The following G6PD variants were observed in gnomAD, a reference collection of about 807,000 sequenced individuals.
G6PD encodes glucose-6-phosphate 1-dehydrogenase.
In G6PD, 2 loss-of-function variants were observed where a neutral mutation model predicts 38.2. That is an observed-to-expected ratio of 0.05 (90% CI 0.02 to 0.16). The LOEUF (loss-of-function observed/expected upper bound fraction) is 0.16. G6PD is among the 10% of genes least tolerant of loss of function. The probability of loss-of-function intolerance (pLI) is 1.00; values close to 1 mark genes in which losing one functional copy is unlikely to be tolerated. For synonymous variants in G6PD, 188 were observed against 196.0 expected (o/e 0.96, Z 0.34); for missense variants, 310 against 471.6 (o/e 0.66, Z 3.17).
At chrX:154,546,203 G>A (rs782494731) in intron 1 of G6PD, 40 bp from the exon 2 acceptor site, 9 of 1,206,287 alleles carry the variant, frequency 7.5e-6, no homozygotes, top group Non-Finnish European at 1.0e-5. Context: ...AGAAGAACAG[G>A]AGAGCATTGA....
In G6PD at chrX:154,534,933, A is replaced by G. The variant is rs1603411684; in HGVS notation, c.485+235T>C. 1.4e-5 allele frequency: 6 copies of G among 440,955 alleles called. No homozygotes were observed. In the East Asian group the frequency reaches 2.3e-4, roughly 17 times the overall value. The allele number at this position is 440,955 out of a possible 1,213,427, so 36.3% of individuals were successfully genotyped here. On this transcript the variant is annotated intron_variant, in intron 5 of 12. Transcript: ENST00000393562. ...GTTGGGAAACCACCCAGCGCGGGCCATGCTGCATTCGCAGAGCAAGGCTGC... is the reference window on the plus strand; with the variant it reads ...GTTGGGAAACCACCCAGCGCGGGCCGTGCTGCATTCGCAGAGCAAGGCTGC...
At chrX:154,545,269 C>T (rs1355595060) in intron 2 of G6PD, among the ~76,000 whole-genome samples, 4 of 111,339 alleles carry the variant, frequency 3.6e-5, no homozygotes, top group Non-Finnish European at 7.6e-5. Flanking sequence ...AGGCAGAGCT[C>T]CTTGGTAGGC....
chrX:154,541,048 C>T (rs1043126687), intron 2 of G6PD, among the ~76,000 whole-genome samples: 5 of 111,821 alleles, frequency 4.5e-5, no homozygotes, highest in Non-Finnish European at 7.5e-5. Context: ...CAACTCACGG[C>T]TGGCCCCACA....
chrX:154,538,284 G>A (rs1474139481), intron 2 of G6PD, among the ~76,000 whole-genome samples: 5 of 111,102 alleles, frequency 4.5e-5, no homozygotes, highest in Admixed American at 9.6e-5. Context: ...CGTGAGCCAC[G>A]ACGACCCACT....
intron 2 of G6PD, among the ~76,000 whole-genome samples, chrX:154,538,404 T>C (rs1483259827): frequency 6.2e-5 from 7 of 112,490 alleles, no homozygotes; most frequent in African/African-American, 2.3e-4. Context: ...AAATAAAAAG[T>C]TGGTTTGATA....
chrX:154,546,299 G>A (rs1603415307), intron 1 of G6PD, 136 bp from the exon 2 acceptor site: 1 of 847,597 alleles, frequency 1.2e-6, no homozygotes, highest in Non-Finnish European at 1.7e-6. Flanking sequence ...GTGAACGGCT[G>A]GGCATTGGGG....
Position 154,533,959 on chromosome X carries a change from AG to A in G6PD, c.770+75del, listed in dbSNP as rs2070374192. On this transcript the variant is annotated intron_variant, in intron 7 of 12. Transcript: ENST00000393562. ...GGGTGAGGAGGAGCTCCCCCAAGATAGGGAAGAGTAGCCCTGCAGGGTGACT... is the reference window on the plus strand; with the variant it reads ...GGGTGAGGAGGAGCTCCCCCAAGATAGGAAGAGTAGCCCTGCAGGGTGACT... 4 of 1,202,230 alleles carry A rather than the reference AG, an allele frequency of 3.3e-6. No individual in the cohort carries two copies. The East Asian group carries it at 8.9e-5, about 27-fold the overall frequency.
Position 154,531,679 on chromosome X carries a change from A to T in G6PD, c.*321T>A. 7.6e-6 allele frequency: 2 copies of T among 261,481 alleles called. No homozygotes were observed. Among genetic ancestry groups the T allele is most frequent in the Non-Finnish European group, 7.0e-6 (1 of 143,651 alleles). 21.5% of individuals were successfully genotyped at this position (261,481 alleles called of 1,213,427 possible). On this transcript the variant is annotated 3_prime_UTR_variant, in exon 13 of 13. Coordinates refer to ENST00000393562, the MANE Select transcript of G6PD (RefSeq NM_001360016.2). Reference sequence around the variant, plus strand: ...CCCACCCTGGCCCCACTCAGGAGTGAGACCCAGTGGCCAATAAGCTCTGGG... The same window carrying T: ...CCCACCCTGGCCCCACTCAGGAGTGTGACCCAGTGGCCAATAAGCTCTGGG...
intron 8 of G6PD, 50 bp downstream of exon 8, chrX:154,533,526 G>A: frequency 1.7e-6 from 2 of 1,198,471 alleles, no homozygotes; most frequent in Non-Finnish European, 2.3e-6. Flanking sequence ...CCTCGTCACA[G>A]ATGGGCCTGC....
rs782770344 is a variant in G6PD at position 154,535,997 on chromosome X, G to A, written c.207C>T (p.Gly69=). Residue 69 remains glycine (G), a synonymous_variant, in exon 4 of 13, where the codon GGC becomes GGT. Transcript: ENST00000393562. ...GLLPENTFIV[G]YARSRLTVAD... is the part of the protein sequence containing the mutation. ...CCACTGTGAGGCGGGAACGGGCATAGCCCACGATGAAGGTGTTTTCGGGCA... is the reference window on the plus strand; with the variant it reads ...CCACTGTGAGGCGGGAACGGGCATAACCCACGATGAAGGTGTTTTCGGGCA... The A allele has an allele frequency of 1.0e-4, 126 of 1,210,475 alleles. No individual in the cohort carries two copies. The highest frequency in any genetic ancestry group is 1.3e-4 in the Non-Finnish European group (119 of 895,232).
At chrX:154,533,692 C>T (rs1557230083) in intron 7 of G6PD, 23 bp from the exon 8 acceptor site, 1 of 1,210,569 alleles carries the variant, frequency 8.3e-7, no homozygotes, top group Non-Finnish European at 1.1e-6. Context: ...GAGGCCAGAG[C>T]TCGCCTTAGC....
chrX:154,539,027 C>T (rs782084855), intron 2 of G6PD, among the ~76,000 whole-genome samples: 45 of 111,260 alleles, frequency 4.0e-4, no homozygotes, highest in Non-Finnish European at 4.3e-4. Context: ...AAATATTAAT[C>T]ATCCCTTTAA....
At chrX:154,540,648 A>AC (rs1160902492) in intron 2 of G6PD, among the ~76,000 whole-genome samples, 2 of 107,715 alleles carry the variant, frequency 1.9e-5, no homozygotes, top group Non-Finnish European at 3.9e-5. Flanking sequence ...GAAAAAAAAA[A>AC]AAAAAAAACA....
rs938258145 is a variant in G6PD, at chrX:154,535,266, G to A, written c.387C>T (p.His129=). Residue 129 remains histidine (H), a synonymous_variant, in exon 5 of 13, where the codon CAC becomes CAT. Coordinates refer to ENST00000393562, the MANE Select transcript of G6PD (RefSeq NM_001360016.2). ...QRLNSHMNAL[H]LGSQANRLFY... ...AGAGGCGGTTGGCCTGTGACCCCAGGTGGAGGGCATTCATGTGGCTGTTGA... is the reference window on the plus strand; with the variant it reads ...AGAGGCGGTTGGCCTGTGACCCCAGATGGAGGGCATTCATGTGGCTGTTGA... 2 of 1,212,146 alleles carry A rather than the reference G, an allele frequency of 1.6e-6. No individual in the cohort carries two copies.
chrX:154,546,040 G>A lies in G6PD; in HGVS notation c.116C>T (p.Ala39Val). ...TGGGGCCTGGGAGATACTCACCGAT[G>A]CACCCATGATGATGAATATGTGTGT... ...SDTHIFIIMG[A>V]SGDLAKKKIY... Residue 39 changes from alanine (A) to valine (V), a missense_variant, in exon 2 of 13, where the codon GCA (alanine) becomes GTA (valine). Around this residue, in one of 4 missense-constraint regions of G6PD, gnomAD observed 17 missense variants for 40.8 expected, o/e 0.42. Transcript: ENST00000393562. The A allele has an allele frequency of 8.3e-7, 1 of 1,210,363 alleles. No individual in the cohort carries two copies. The highest frequency in any genetic ancestry group is 1.8e-5 in the South Asian group (1 of 56,946).
Position 154,535,940 on chromosome X carries a change from G to C in G6PD, c.264C>G (p.Phe88Leu), listed in dbSNP as rs781794862. The C allele has an allele frequency of 6.8e-5, 82 of 1,206,152 alleles. No homozygotes were observed. In the South Asian group the frequency reaches 1.3e-3, roughly 19 times the overall value. ...ADIRKQSEPF[F>L]KATPEEKLKL... Reference sequence around the variant, plus strand: ...GGGAGGCCCTGACACCACCCACCTTGAAGAAGGGCTCACTCTGTTTGCGGA... The same window carrying C: ...GGGAGGCCCTGACACCACCCACCTTCAAGAAGGGCTCACTCTGTTTGCGGA... Residue 88 changes from phenylalanine to leucine, a missense_variant, in exon 4 of 13, where the codon TTC (phenylalanine) becomes TTG (leucine). Phe to Leu is a conservative substitution (Grantham distance 22, BLOSUM62 0). Coordinates refer to ENST00000393562, the MANE Select transcript of G6PD (RefSeq NM_001360016.2).
intron 2 of G6PD, among the ~76,000 whole-genome samples, chrX:154,537,121 C>T (rs953074916): frequency 1.2e-4 from 13 of 110,239 alleles, no homozygotes; most frequent in Non-Finnish European, 2.1e-4. Flanking sequence ...CTGGCTGACA[C>T]GGTGAAACCC....
chrX:154,533,166 T>G, intron 8 of G6PD, 38 bp from the exon 9 acceptor site: 1 of 1,186,023 alleles, frequency 8.4e-7, no homozygotes. Flanking sequence ...GCTCCTTGGG[T>G]GTTGAGTTGG....
intron 2 of G6PD, chrX:154,542,434 A>G: frequency 8.4e-7 from 1 of 1,187,050 alleles, no homozygotes; most frequent in Non-Finnish European, 1.1e-6. Context: ...ACAAGGCCAG[A>G]GCTTTCTGGA....
Sources: gnomAD v4.1 joint callset for allele counts (sites outside exome capture counted in the v4.1 genomes callset) on GRCh38, gnomAD v4.1.1 for gene constraint, gnomAD v4.1.1 regional missense constraint, MANE v1.5 for transcripts, NCBI Gene and HGNC (gene_info 2026-07-23, HGNC 2026-07-21) for gene names.